Variants in PHF21A observed in about 807,000 individuals in gnomAD.
PHF21A encodes the protein BHC80a.
In PHF21A, 11 loss-of-function variants were observed where a neutral mutation model predicts 82.5. The ratio of observed to expected loss-of-function variants is 0.13; its 90% confidence interval spans 0.08 to 0.22. The LOEUF is 0.22. Among genes scored for constraint, PHF21A ranks in the 10% least tolerant of loss-of-function variants. The probability of loss-of-function intolerance (pLI) is 1.00; values close to 1 mark genes in which losing one functional copy is unlikely to be tolerated. For missense variants in PHF21A, 579 were observed against 837.8 expected (o/e 0.69, Z 3.81); for synonymous variants, 297 against 302.8 (o/e 0.98, Z 0.20).
At chr11:46,036,796 G>T (rs976553730) in intron 6 of PHF21A, among the ~76,000 whole-genome samples, 1 of 151,968 alleles carries the variant, frequency 6.6e-6, no homozygotes, top group Non-Finnish European at 1.5e-5. Flanking sequence ...GATTTTCCTG[G>T]TTTCTCTAGG....
chr11:46,028,943 T>G (rs1283682568), intron 6 of PHF21A, among the ~76,000 whole-genome samples: 1 of 152,230 alleles, frequency 6.6e-6, no homozygotes, highest in Non-Finnish European at 1.5e-5. Flanking sequence ...CAAAGGACTA[T>G]ATGAACACAA....
intron 14 of PHF21A, among the ~76,000 whole-genome samples, chr11:45,946,429 G>A (rs2091299661): frequency 1.3e-5 from 2 of 152,308 alleles, no homozygotes; most frequent in South Asian, 4.1e-4. Context: ...TGTCACCCAG[G>A]CTGGAGTGCT....
At chr11:46,050,108 G>A (rs1254495184) in intron 6 of PHF21A, among the ~76,000 whole-genome samples, 1 of 152,222 alleles carries the variant, frequency 6.6e-6, no homozygotes, top group Non-Finnish European at 1.5e-5. Context: ...GATTGCCACT[G>A]AAAGGAAATG....
At chr11:46,077,514 A>G (rs973806016) in intron 5 of PHF21A, among the ~76,000 whole-genome samples, 1 of 152,262 alleles carries the variant, frequency 6.6e-6, no homozygotes, top group Admixed American at 6.5e-5. Context: ...ACAGCCTACT[A>G]GCAGACTGAA....
chr11:45,980,211 AAGG>A (rs1369874592), intron 6 of PHF21A, among the ~76,000 whole-genome samples: 1 of 152,310 alleles, frequency 6.6e-6, no homozygotes, highest in Admixed American at 6.5e-5. Context: ...GAAAAATCTG[AAGG>A]AGATCACACA....
intron 3 of PHF21A, among the ~76,000 whole-genome samples, chr11:46,086,230 T>C (rs2096855748): frequency 6.6e-6 from 1 of 151,958 alleles, no homozygotes; most frequent in African/African-American, 2.4e-5. Context: ...GCCATTCTCC[T>C]GCCTCAGCCT....
intron 6 of PHF21A, among the ~76,000 whole-genome samples, chr11:45,991,177 T>C (rs1008100477): frequency 2.0e-5 from 3 of 152,222 alleles, no homozygotes; most frequent in Non-Finnish European, 4.4e-5. Context: ...GTAATAAGCA[T>C]GTAAGGTTCT....
intron 1 of PHF21A, among the ~76,000 whole-genome samples, chr11:46,116,344 T>C (rs886599638): frequency 2.6e-5 from 4 of 152,170 alleles, no homozygotes; most frequent in African/African-American, 7.2e-5. Flanking sequence ...CTTGAAAGCT[T>C]TAGGCAGTAA....
intron 18 of PHF21A, chr11:45,934,521 C>T (rs895782630): frequency 1.7e-5 from 6 of 347,042 alleles, no homozygotes; most frequent in Non-Finnish European, 2.6e-5. Flanking sequence ...GGCAGAGCCG[C>T]CATCAGACTT....
intron 6 of PHF21A, among the ~76,000 whole-genome samples, chr11:46,018,231 C>T (rs1358200063): frequency 4.4e-5 from 6 of 136,548 alleles, no homozygotes; most frequent in African/African-American, 1.7e-4. Context: ...GCCTGGGCGA[C>T]AGAGCGAGAC....
intron 6 of PHF21A, among the ~76,000 whole-genome samples, chr11:46,071,302 A>C: frequency 6.6e-6 from 1 of 152,242 alleles, no homozygotes; most frequent in East Asian, 1.9e-4. Context: ...CTCAGAATAA[A>C]CACATTTAGA....
At chr11:46,072,486 A>G (rs1287734403) in intron 6 of PHF21A, among the ~76,000 whole-genome samples, 1 of 152,248 alleles carries the variant, frequency 6.6e-6, no homozygotes, top group African/African-American at 2.4e-5. Context: ...GGGTTCCCTG[A>G]CATCGTGGAA....
Position 46,120,187 on chromosome 11 carries a change from C to CT in PHF21A, c.-237+747dup, listed in dbSNP as rs1175408142. Among the ~76,000 whole-genome samples, 138 of 143,302 alleles carry CT rather than the reference C, an allele frequency of 9.6e-4. 1 individual carries two copies. Among genetic ancestry groups the CT allele is most frequent in the Middle Eastern group, 3.6e-3 (1 of 276 alleles). The allele number at this position is 143,302 out of a possible 152,430, so 94.0% of individuals were successfully genotyped here. On this transcript the variant is annotated intron_variant, in intron 1 of 18. Transcript: ENST00000676320. Reference sequence around the variant, plus strand: ...GGCCCGGCAGCGTCAGCAGCCGCAGCTTTTTTTTTTTTAAACCAGATCCCT... The same window carrying CT: ...GGCCCGGCAGCGTCAGCAGCCGCAGCTTTTTTTTTTTTTAAACCAGATCCCT...
At chr11:46,036,521 C>T (rs1295029910) in intron 6 of PHF21A, among the ~76,000 whole-genome samples, 6 of 152,136 alleles carry the variant, frequency 3.9e-5, no homozygotes, top group African/African-American at 1.2e-4. Context: ...TTCCTTAAAA[C>T]GTTCAATCTC....
At chr11:45,946,965 TTAAGTA>T (rs1310592878) in intron 14 of PHF21A, among the ~76,000 whole-genome samples, 1 of 152,200 alleles carries the variant, frequency 6.6e-6, no homozygotes, top group Admixed American at 6.5e-5. Context: ...CAATTAATGT[TTAAGTA>T]TTTCTGTCCC....
chr11:46,054,910 A>C (rs978532230), intron 6 of PHF21A, among the ~76,000 whole-genome samples: 1 of 152,188 alleles, frequency 6.6e-6, no homozygotes, highest in Non-Finnish European at 1.5e-5. Context: ...TGATCAGATA[A>C]GGAAAAAAAG....
At chr11:46,119,198 T>C (rs1386285424) in intron 1 of PHF21A, among the ~76,000 whole-genome samples, 2 of 152,122 alleles carry the variant, frequency 1.3e-5, no homozygotes, top group Non-Finnish European at 2.9e-5. Flanking sequence ...CTTCCCTCTC[T>C]AACTTTCCCA....
intron 7 of PHF21A, among the ~76,000 whole-genome samples, chr11:45,975,574 C>T (rs2093986738): frequency 6.6e-6 from 1 of 152,004 alleles, no homozygotes; most frequent in African/African-American, 2.4e-5. Flanking sequence ...GTTTGTTTTC[C>T]ATTTGGTTTT....
chr11:46,025,835 G>A (rs1385788519), intron 6 of PHF21A, among the ~76,000 whole-genome samples: 1 of 152,192 alleles, frequency 6.6e-6, no homozygotes, highest in Admixed American at 6.5e-5. Context: ...GATATGTGAT[G>A]GAGCAAGTAT....
Sources: gnomAD v4.1 joint callset for allele counts (sites outside exome capture counted in the v4.1 genomes callset) on GRCh38, gnomAD v4.1.1 for gene constraint, MANE v1.5 for transcripts, NCBI Gene and HGNC (gene_info 2026-07-23, HGNC 2026-07-21) for gene names.